MAP4K3: variants seen among roughly 807,000 people sequenced by gnomAD.
The protein encoded by MAP4K3 is mitogen-activated protein kinase kinase kinase kinase 3, also known as MAPK/ERK kinase kinase kinase 3.
Under a neutral mutation model 143.5 loss-of-function variants are expected in MAP4K3, and 94 were observed. That is an observed-to-expected ratio of 0.65 (90% CI 0.55 to 0.78). The LOEUF is 0.78. MAP4K3 is among the 30% of genes least tolerant of loss of function. The pLI, the probability that MAP4K3 is intolerant of heterozygous loss-of-function variation, is 0.00. For synonymous variants in MAP4K3, 416 were observed against 347.2 expected (o/e 1.20, Z -2.20); for missense variants, 1,077 against 1,068.1 (o/e 1.01, Z -0.12).
At chr2:39,379,158 G>A (rs1666296476) in intron 1 of MAP4K3, among the ~76,000 whole-genome samples, 1 of 152,030 alleles carries the variant, frequency 6.6e-6, no homozygotes, top group South Asian at 2.1e-4. Flanking sequence ...CACCTGGCAA[G>A]AGATGGTAAC....
At chr2:39,380,974 T>C (rs1403961292) in intron 1 of MAP4K3, among the ~76,000 whole-genome samples, 2 of 152,164 alleles carry the variant, frequency 1.3e-5, no homozygotes, top group Non-Finnish European at 2.9e-5. Flanking sequence ...TCACTCCATA[T>C]TCCTCTGACT....
intron 13 of MAP4K3, among the ~76,000 whole-genome samples, chr2:39,311,469 T>C (rs953489528): frequency 2.6e-5 from 4 of 152,206 alleles, no homozygotes; most frequent in Admixed American, 6.5e-5. Context: ...CCCCAGTGAC[T>C]CCTGCCTCTT....
intron 15 of MAP4K3, among the ~76,000 whole-genome samples, chr2:39,302,663 T>C (rs112226025): frequency 1.4e-4 from 22 of 152,348 alleles, no homozygotes; most frequent in Non-Finnish European, 2.9e-4. Flanking sequence ...CTTATGGCCA[T>C]TCTTTACAAG....
intron 1 of MAP4K3, among the ~76,000 whole-genome samples, chr2:39,403,444 C>T (rs1489280970): frequency 3.3e-5 from 5 of 152,250 alleles, no homozygotes; most frequent in East Asian, 1.9e-4. Flanking sequence ...GGCAGTGTGG[C>T]GCAGAGAATG....
At chr2:39,361,529 C>T (rs1368042012) in intron 2 of MAP4K3, among the ~76,000 whole-genome samples, 2 of 151,086 alleles carry the variant, frequency 1.3e-5, no homozygotes, top group Non-Finnish European at 3.0e-5. Context: ...GGACAACAAA[C>T]ACTTGAAAAA....
intron 3 of MAP4K3, among the ~76,000 whole-genome samples, chr2:39,353,034 C>T (rs189656250): frequency 6.6e-6 from 1 of 152,310 alleles, no homozygotes. Context: ...CACGTTCCCT[C>T]TGAGACTAAA....
intron 1 of MAP4K3, among the ~76,000 whole-genome samples, chr2:39,383,619 TTATTAATAATTCTA>T (rs1477509634): frequency 6.6e-6 from 1 of 151,992 alleles, no homozygotes; most frequent in Non-Finnish European, 1.5e-5. Context: ...ACCGGTAGAA[TTATTAATAATTCTA>T]CCAGTACAAT....
intron 2 of MAP4K3, among the ~76,000 whole-genome samples, chr2:39,358,625 C>T (rs914197089): frequency 3.3e-5 from 5 of 152,030 alleles, no homozygotes; most frequent in African/African-American, 1.2e-4. Context: ...TTAAATTCAA[C>T]ATTTTTGTGG....
intron 1 of MAP4K3, among the ~76,000 whole-genome samples, chr2:39,424,830 C>CA (rs58960920): frequency 0.057 from 3,882 of 67,644 alleles, 369 homozygotes; most frequent in African/African-American, 0.19. Flanking sequence ...TAACCTGACT[C>CA]AAAAAAAAAA....
chr2:39,279,979 C>G (rs1321278099), intron 23 of MAP4K3, among the ~76,000 whole-genome samples: 5 of 151,872 alleles, frequency 3.3e-5, no homozygotes, highest in African/African-American at 1.2e-4. Context: ...AAAAAGATAC[C>G]AGACTACTGT....
intron 26 of MAP4K3, among the ~76,000 whole-genome samples, chr2:39,270,370 C>T (rs1215952006): frequency 1.3e-5 from 2 of 152,162 alleles, no homozygotes; most frequent in Non-Finnish European, 2.9e-5. Flanking sequence ...TACCAGCACC[C>T]AATTAACTGG....
chr2:39,316,413 T>G (rs1346711255), intron 12 of MAP4K3, among the ~76,000 whole-genome samples: 1 of 152,112 alleles, frequency 6.6e-6, no homozygotes, highest in African/African-American at 2.4e-5. Flanking sequence ...AGAAAGGCTA[T>G]CCAGGTATAC....
chr2:39,275,338 T>C (rs1202498440), intron 24 of MAP4K3, among the ~76,000 whole-genome samples: 5 of 152,050 alleles, frequency 3.3e-5, no homozygotes, highest in African/African-American at 1.2e-4. Context: ...ATCAAAAAAT[T>C]AGCTGGGCAT....
intron 2 of MAP4K3, among the ~76,000 whole-genome samples, chr2:39,375,941 T>C (rs1418944959): frequency 6.6e-6 from 1 of 152,240 alleles, no homozygotes; most frequent in Non-Finnish European, 1.5e-5. Flanking sequence ...TAGTATTCAA[T>C]TGTATGAACA....
chr2:39,283,692 CA>C (rs1681639531), intron 21 of MAP4K3: 1 of 152,152 alleles, frequency 6.6e-6, no homozygotes, highest in Non-Finnish European at 1.5e-5. Flanking sequence ...AAATGTAACA[CA>C]TTTGCTCACC....
At chr2:39,352,250 C>T (rs1419495823) in intron 3 of MAP4K3, among the ~76,000 whole-genome samples, 1 of 152,040 alleles carries the variant, frequency 6.6e-6, no homozygotes, top group Admixed American at 6.5e-5. Flanking sequence ...AAGGTCCTGC[C>T]ACTGCACAGC....
intron 33 of MAP4K3, among the ~76,000 whole-genome samples, chr2:39,251,608 T>A (rs934050862): frequency 6.6e-6 from 1 of 152,226 alleles, no homozygotes; most frequent in African/African-American, 2.4e-5. Context: ...TGTCAGTATG[T>A]TTAATGGAAA....
chr2:39,325,318 A>C (rs373603697), intron 12 of MAP4K3, among the ~76,000 whole-genome samples, 200 bp downstream of exon 12: 1 of 152,204 alleles, frequency 6.6e-6, no homozygotes, highest in Non-Finnish European at 1.5e-5. Flanking sequence ...ATAGTCACCT[A>C]TAAGTAGTCA....
intron 18 of MAP4K3, among the ~76,000 whole-genome samples, chr2:39,291,501 G>A (rs2148478925): frequency 6.6e-6 from 1 of 152,250 alleles, no homozygotes; most frequent in East Asian, 1.9e-4. Flanking sequence ...CATCTTTGAT[G>A]AAGCTCATCA....
Sources: gnomAD v4.1 joint callset for allele counts (sites outside exome capture counted in the v4.1 genomes callset) on GRCh38, gnomAD v4.1.1 for gene constraint, MANE v1.5 for transcripts, NCBI Gene and HGNC (gene_info 2026-07-23, HGNC 2026-07-21) for gene names.